ARHGAP15: variants seen among roughly 807,000 people sequenced by gnomAD.
The protein encoded by ARHGAP15 is Rho GTPase activating protein 15.
In ARHGAP15, 51 loss-of-function variants were observed where a neutral mutation model predicts 63.7. The ratio of observed to expected loss-of-function variants is 0.80; its 90% confidence interval spans 0.64 to 1.01. The LOEUF (loss-of-function observed/expected upper bound fraction) is 1.01, where lower values mean the gene tolerates loss of function less well. ARHGAP15 is among the 50% of genes least tolerant of loss of function. The pLI, the probability that ARHGAP15 is intolerant of heterozygous loss-of-function variation, is 0.00. For synonymous variants in ARHGAP15, 191 were observed against 193.8 expected (o/e 0.99, Z 0.12); for missense variants, 560 against 564.6 (o/e 0.99, Z 0.08).
chr2:143,491,273 A>G (rs1692569003), intron 9 of ARHGAP15, among the ~76,000 whole-genome samples: 1 of 152,198 alleles, frequency 6.6e-6, no homozygotes, highest in South Asian at 2.1e-4. Context: ...CTGCTTTTGG[A>G]ACTGAAGTAA....
Position 143,647,083 on chromosome 2 carries a change from T to C in ARHGAP15, c.1138+22816T>C, listed in dbSNP as rs556305291. On this transcript the variant is annotated intron_variant, in intron 12 of 13. Coordinates refer to ENST00000295095, the MANE Select transcript of ARHGAP15 (RefSeq NM_018460.4). The stretch of plus-strand genomic sequence containing the variant: ...CTACTCTGTGAATGAAAAATGGATA[T>C]TTGTACTTACCCTCATAAGCATTAA... Among the ~76,000 whole-genome samples, 5 of 151,980 alleles carry C rather than the reference T, an allele frequency of 3.3e-5. 1 individual carries two copies. In the South Asian group the frequency reaches 1.0e-3, roughly 32 times the overall value.
chr2:143,479,519 C>A (rs1048393689), intron 8 of ARHGAP15, among the ~76,000 whole-genome samples: 1 of 151,986 alleles, frequency 6.6e-6, no homozygotes, highest in Non-Finnish European at 1.5e-5. Flanking sequence ...TGGATTGATG[C>A]CCTATGATAT....
chr2:143,497,780 G>A (rs1212289395), intron 9 of ARHGAP15, among the ~76,000 whole-genome samples: 1 of 152,212 alleles, frequency 6.6e-6, no homozygotes, highest in Non-Finnish European at 1.5e-5. Context: ...TTGAGCAAAT[G>A]TGTGAATGAA....
rs1296060918 is a variant in ARHGAP15 at position 143,507,928 on chromosome 2, A to C, written c.827-11338A>C. 3.4e-5 allele frequency among the ~76,000 whole-genome samples: 5 copies of C among 148,798 alleles called. No homozygotes were observed. The East Asian group carries it at 1.0e-3, about 31-fold the overall frequency. On this transcript the variant is annotated intron_variant, in intron 9 of 13. Coordinates refer to ENST00000295095, the MANE Select transcript of ARHGAP15 (RefSeq NM_018460.4). ...CCATCATCTCTTCCTATATTTCACT[A>C]CCCCCCTGATGAGCCTTCCTACTTC... is the stretch of plus-strand genomic sequence containing the variant.
chr2:143,565,032 G>A (rs1164306409), intron 11 of ARHGAP15, among the ~76,000 whole-genome samples: 1 of 152,132 alleles, frequency 6.6e-6, no homozygotes, highest in Non-Finnish European at 1.5e-5. Context: ...AGTTTTCGAG[G>A]TAGATAAACT....
chr2:143,665,679 A>G (rs1338950936), intron 12 of ARHGAP15, among the ~76,000 whole-genome samples: 2 of 141,318 alleles, frequency 1.4e-5, no homozygotes, highest in African/African-American at 5.3e-5. Flanking sequence ...CCATTGTCTC[A>G]GCCCAAAATC....
chr2:143,699,001 C>T (rs1285677163), intron 12 of ARHGAP15, among the ~76,000 whole-genome samples: 1 of 152,126 alleles, frequency 6.6e-6, no homozygotes, highest in Non-Finnish European at 1.5e-5. Context: ...CTTTCAGATG[C>T]TCACTGAATC....
At chr2:143,172,910 G>C (rs1053704939) in intron 2 of ARHGAP15, among the ~76,000 whole-genome samples, 7 of 152,024 alleles carry the variant, frequency 4.6e-5, no homozygotes, top group African/African-American at 1.7e-4. Context: ...AAATAGCCAA[G>C]ATCCCATTGA....
chr2:143,407,569 T>C (rs1241009202), intron 6 of ARHGAP15, among the ~76,000 whole-genome samples: 1 of 151,764 alleles, frequency 6.6e-6, no homozygotes, highest in Non-Finnish European at 1.5e-5. Context: ...ATGTTCTTCA[T>C]GTAGATATTG....
intron 5 of ARHGAP15, among the ~76,000 whole-genome samples, chr2:143,233,079 A>G (rs1248074025): frequency 6.6e-6 from 1 of 152,120 alleles, no homozygotes; most frequent in Non-Finnish European, 1.5e-5. Context: ...TTCTCAATGT[A>G]TATGTTATTA....
chr2:143,295,948 A>C (rs1224913276), intron 6 of ARHGAP15, among the ~76,000 whole-genome samples: 1 of 151,962 alleles, frequency 6.6e-6, no homozygotes, highest in East Asian at 1.9e-4. Context: ...AACAAGTGTA[A>C]GAGTTAAGAA....
intron 6 of ARHGAP15, among the ~76,000 whole-genome samples, chr2:143,258,680 G>T (rs1680548441): frequency 6.6e-6 from 1 of 152,170 alleles, no homozygotes; most frequent in Non-Finnish European, 1.5e-5. Flanking sequence ...AATGGTTGAT[G>T]TTGGGGAGAA....
At chr2:143,671,012 CTATAGT>C (rs1288382995) in intron 12 of ARHGAP15, among the ~76,000 whole-genome samples, 1 of 152,140 alleles carries the variant, frequency 6.6e-6, no homozygotes, top group African/African-American at 2.4e-5. Flanking sequence ...CACCTCCTTT[CTATAGT>C]TATATTTTCT....
chr2:143,303,461 T>C (rs574547475), intron 6 of ARHGAP15, among the ~76,000 whole-genome samples: 1 of 152,098 alleles, frequency 6.6e-6, no homozygotes, highest in Admixed American at 6.6e-5. Context: ...TATATAAAAA[T>C]TAATTCAAGA....
In ARHGAP15 at chr2:143,155,700, A is replaced by G. The variant is rs752730232; in HGVS notation, c.165+45A>G. 5 of 1,486,908 alleles carry G rather than the reference A, an allele frequency of 3.4e-6. No individual in the cohort carries two copies. In the South Asian group the frequency reaches 5.7e-5, roughly 17 times the overall value. The allele number at this position is 1,486,908 out of a possible 1,614,324, so 92.1% of individuals were successfully genotyped here. A position where few individuals can be genotyped will look rare whatever the true frequency, so the allele number is the denominator to read the frequency against. On this transcript the variant is annotated intron_variant, in intron 2 of 13. Coordinates refer to ENST00000295095, the MANE Select transcript of ARHGAP15 (RefSeq NM_018460.4). ...TATCCCAAGTTCCTTGTCATACAGA[A>G]TTTTGTAAAAGGAAAAAAAAAAGCT...
chr2:143,145,448 G>A (rs1024576440), intron 1 of ARHGAP15, among the ~76,000 whole-genome samples: 1 of 151,928 alleles, frequency 6.6e-6, no homozygotes, highest in Non-Finnish European at 1.5e-5. Flanking sequence ...CCTTTCTATT[G>A]CCAATCTCCT....
intron 10 of ARHGAP15, among the ~76,000 whole-genome samples, chr2:143,529,506 G>T (rs1365144694): frequency 6.6e-6 from 1 of 151,956 alleles, no homozygotes. Flanking sequence ...ATCCTCCAAT[G>T]ATTCATTGAT....
At position 143,170,892 on chromosome 2, in the gene ARHGAP15, G is replaced by A. The variant is rs148600182; in HGVS notation, c.165+15237G>A. 2.9e-3 allele frequency among the ~76,000 whole-genome samples: 434 copies of A among 152,156 alleles called. 4 individuals carry two copies. The highest frequency in any genetic ancestry group is 9.8e-3 in the African/African-American group (407 of 41,538). ...GATCCCCTGTTACAATGAAGACTCCGTGAAGTCAGACACTTTCTCTAACCT... is the reference window on the plus strand; with the variant it reads ...GATCCCCTGTTACAATGAAGACTCCATGAAGTCAGACACTTTCTCTAACCT... On this transcript the variant is annotated intron_variant, in intron 2 of 13. Transcript: ENST00000295095.
chr2:143,333,634 A>G (rs1318043785), intron 6 of ARHGAP15, among the ~76,000 whole-genome samples: 1 of 152,214 alleles, frequency 6.6e-6, no homozygotes, highest in Non-Finnish European at 1.5e-5. Flanking sequence ...TGCCTCCTGC[A>G]GTAATGGCTG....
Sources: gnomAD v4.1 joint callset for allele counts (sites outside exome capture counted in the v4.1 genomes callset) on GRCh38, gnomAD v4.1.1 for gene constraint, MANE v1.5 for transcripts, NCBI Gene and HGNC (gene_info 2026-07-23, HGNC 2026-07-21) for gene names.